RFX3: variants seen among roughly 807,000 people sequenced by gnomAD.
The protein encoded by RFX3 is transcription factor RFX3.
Under a neutral mutation model 98.6 loss-of-function variants are expected in RFX3, and 14 were observed. The observed-to-expected ratio is 0.14, with a 90% CI of 0.09 to 0.22. The LOEUF (loss-of-function observed/expected upper bound fraction) is 0.22. Among genes scored for constraint, RFX3 ranks in the 10% least tolerant of loss-of-function variants. The pLI, the probability that RFX3 is intolerant of heterozygous loss-of-function variation, is 1.00. For synonymous variants in RFX3, 383 were observed against 328.4 expected (o/e 1.17, Z -1.80); for missense variants, 639 against 926.9 (o/e 0.69, Z 4.03).
intron 1 of RFX3, among the ~76,000 whole-genome samples, chr9:3,460,279 T>C (rs1847569898): frequency 6.6e-6 from 1 of 152,030 alleles, no homozygotes; most frequent in Non-Finnish European, 1.5e-5. Context: ...CTCTACAAAT[T>C]AAATTATATG....
chr9:3,230,117 T>G (rs574765352), intron 15 of RFX3, among the ~76,000 whole-genome samples: 1 of 152,282 alleles, frequency 6.6e-6, no homozygotes, highest in Non-Finnish European at 1.5e-5. Flanking sequence ...CTGGGATGAT[T>G]TGACTACTCA....
intron 1 of RFX3, among the ~76,000 whole-genome samples, chr9:3,429,072 G>C (rs1476107424): frequency 2.0e-5 from 3 of 150,046 alleles, no homozygotes; most frequent in Admixed American, 6.6e-5. Flanking sequence ...TCCCAGGCTG[G>C]AGTGCGGTGG....
intron 4 of RFX3, among the ~76,000 whole-genome samples, chr9:3,325,722 T>C (rs1390973413): frequency 5.9e-5 from 9 of 152,134 alleles, no homozygotes; most frequent in Non-Finnish European, 1.3e-4. Flanking sequence ...AGATAAATTA[T>C]GTTGTGATGA....
chr9:3,321,147 A>G (rs953419735), intron 4 of RFX3, among the ~76,000 whole-genome samples: 1 of 151,548 alleles, frequency 6.6e-6, no homozygotes, highest in East Asian at 1.9e-4. Context: ...CAGGTGATCC[A>G]CCCGCCTCAG....
chr9:3,480,366 CCT>C (rs902778462), intron 1 of RFX3, among the ~76,000 whole-genome samples: 5 of 152,160 alleles, frequency 3.3e-5, no homozygotes, highest in African/African-American at 9.7e-5. Context: ...ACATGATGAT[CCT>C]CTCTCTCGAA....
At chr9:3,480,906 A>G (rs1849703994) in intron 1 of RFX3, among the ~76,000 whole-genome samples, 1 of 152,152 alleles carries the variant, frequency 6.6e-6, no homozygotes, top group African/African-American at 2.4e-5. Flanking sequence ...TGGTAAGTAT[A>G]ATCAACCTAG....
chr9:3,353,352 C>A (rs933408630), intron 2 of RFX3, among the ~76,000 whole-genome samples: 1 of 151,650 alleles, frequency 6.6e-6, no homozygotes, highest in Admixed American at 6.6e-5. Flanking sequence ...TATAATAATA[C>A]TAAAATAAAA....
At chr9:3,396,135 C>T (rs1407379169) in intron 1 of RFX3, among the ~76,000 whole-genome samples, 1 of 151,816 alleles carries the variant, frequency 6.6e-6, no homozygotes, top group African/African-American at 2.4e-5. Flanking sequence ...GTGTGCTATA[C>T]CCATTAACTC....
chr9:3,452,764 T>A (rs999324416), intron 1 of RFX3, among the ~76,000 whole-genome samples: 1 of 152,172 alleles, frequency 6.6e-6, no homozygotes, highest in African/African-American at 2.4e-5. Context: ...TAAAAACTTA[T>A]TATAAAAGCA....
At chr9:3,247,815 T>C (rs1445897778) in intron 15 of RFX3, 1 of 1,606,584 alleles carries the variant, frequency 6.2e-7, no homozygotes, top group African/African-American at 1.3e-5. Context: ...TCCATGAACT[T>C]TCACATGATA....
intron 1 of RFX3, among the ~76,000 whole-genome samples, chr9:3,510,125 C>G (rs1352977112): frequency 1.3e-5 from 2 of 151,994 alleles, no homozygotes; most frequent in East Asian, 3.8e-4. Flanking sequence ...ATGGCTGTCT[C>G]TTTTGGTCTG....
intron 4 of RFX3, among the ~76,000 whole-genome samples, chr9:3,314,156 A>C (rs1830293191): frequency 6.6e-6 from 1 of 152,248 alleles, no homozygotes; most frequent in African/African-American, 2.4e-5. Context: ...GAAGCCCATC[A>C]GACTAACAGC....
Position 3,225,046 on chromosome 9 carries a change from A to C in RFX3, c.2246T>G (p.Val749Gly). 1 of 1,613,602 alleles carries C rather than the reference A, an allele frequency of 6.2e-7. No homozygotes were observed. The highest frequency in any genetic ancestry group is 8.5e-7 in the Non-Finnish European group (1 of 1,179,656). Residue 749 changes from valine (V) to glycine (G), a missense_variant, in exon 17 of 17, where the codon GTC becomes GGC. This residue lies in a region of RFX3 where 129 missense variants were observed against 124.6 expected (regional missense o/e 1.04). Coordinates refer to ENST00000617270, the MANE Select transcript of RFX3 (RefSeq NM_001282116.2). ...AAAAATACGCTTTAATATTCTTTAGACTGCAGTGTAGGTATTTCCTGTAGC... is the reference window on the plus strand; with the variant it reads ...AAAAATACGCTTTAATATTCTTTAGCCTGCAGTGTAGGTATTTCCTGTAGC... ...CSATGNTYTA[V>G]
intron 1 of RFX3, chr9:3,452,457 T>C (rs1379906578): frequency 5.4e-6 from 1 of 185,492 alleles, no homozygotes; most frequent in South Asian, 7.6e-5. Context: ...CTGGGCCTGG[T>C]GACACATGCT....
chr9:3,382,092 T>C (rs1444369505), intron 2 of RFX3, among the ~76,000 whole-genome samples: 2 of 152,230 alleles, frequency 1.3e-5, no homozygotes, highest in East Asian at 1.9e-4. Flanking sequence ...AGAGATGTAG[T>C]GGTGATCACA....
At chr9:3,514,877 G>C (rs981736924) in intron 1 of RFX3, among the ~76,000 whole-genome samples, 4 of 152,110 alleles carry the variant, frequency 2.6e-5, no homozygotes, top group South Asian at 2.1e-4. Context: ...TACATATTGT[G>C]CTTTTAAAGT....
chr9:3,360,299 G>C (rs1587304523), intron 2 of RFX3, among the ~76,000 whole-genome samples: 1 of 151,928 alleles, frequency 6.6e-6, no homozygotes, highest in East Asian at 1.9e-4. Flanking sequence ...TGGGCAAAAT[G>C]TGAACTGAAA....
intron 4 of RFX3, among the ~76,000 whole-genome samples, chr9:3,315,375 T>C (rs1830462792): frequency 6.6e-6 from 1 of 152,170 alleles, no homozygotes; most frequent in African/African-American, 2.4e-5. Flanking sequence ...TTTAAAGCAG[T>C]GTGTAGAGAG....
intron 14 of RFX3, 52 bp from the exon 15 acceptor site, chr9:3,248,237 G>A: frequency 6.6e-7 from 1 of 1,519,948 alleles, no homozygotes; most frequent in African/African-American, 1.4e-5. Flanking sequence ...ACAAGAATTA[G>A]CATTCTACCT....
Sources: gnomAD v4.1 joint callset for allele counts (sites outside exome capture counted in the v4.1 genomes callset) on GRCh38, gnomAD v4.1.1 for gene constraint, gnomAD v4.1.1 regional missense constraint, MANE v1.5 for transcripts, NCBI Gene and HGNC (gene_info 2026-07-23, HGNC 2026-07-21) for gene names.